IQGAP2: variants seen among roughly 807,000 people sequenced by gnomAD.
IQGAP2 encodes ras GTPase-activating-like protein IQGAP2.
A neutral mutation model predicts 201.3 loss-of-function variants in IQGAP2; 173 were observed. The observed-to-expected ratio is 0.86, with a 90% CI of 0.76 to 0.98. The LOEUF is 0.98. Among genes scored for constraint, IQGAP2 ranks in the 50% least tolerant of loss-of-function variants. The probability of loss-of-function intolerance (pLI) is 0.00; values close to 1 mark genes in which losing one functional copy is unlikely to be tolerated. For missense variants in IQGAP2, 1,687 were observed against 1,864.8 expected (o/e 0.90, Z 1.76); for synonymous variants, 675 against 673.9 (o/e 1.00, Z -0.03).
chr5:76,542,433 C>CT (rs1250479974), intron 2 of IQGAP2, among the ~76,000 whole-genome samples: 2 of 152,236 alleles, frequency 1.3e-5, no homozygotes, highest in Non-Finnish European at 2.9e-5. Context: ...AGCTTCGTTC[C>CT]TTACCGGTAC....
intron 2 of IQGAP2, among the ~76,000 whole-genome samples, chr5:76,507,894 A>G (rs1757697926): frequency 6.6e-6 from 1 of 151,106 alleles, no homozygotes; most frequent in Admixed American, 6.6e-5. Flanking sequence ...CTGTAGTCCT[A>G]GCTACTCAGG....
intron 35 of IQGAP2, among the ~76,000 whole-genome samples, chr5:76,706,623 C>A (rs1747929016): frequency 6.6e-6 from 1 of 152,160 alleles, no homozygotes; most frequent in Non-Finnish European, 1.5e-5. Context: ...GCTGGTATTA[C>A]AGGAATGAGC....
At chr5:76,443,661 C>G (rs1262364249) in intron 1 of IQGAP2, among the ~76,000 whole-genome samples, 1 of 152,006 alleles carries the variant, frequency 6.6e-6, no homozygotes, top group Admixed American at 6.6e-5. Context: ...TTAGAAAGAT[C>G]AGTACTTACA....
chr5:76,628,768 A>G (rs1411659783), intron 14 of IQGAP2: 2 of 453,732 alleles, frequency 4.4e-6, no homozygotes, highest in South Asian at 3.1e-5. Context: ...TATTTCTCTA[A>G]CCTGAACTTT....
chr5:76,546,067 A>G (rs1353345375), intron 2 of IQGAP2, among the ~76,000 whole-genome samples: 1 of 152,224 alleles, frequency 6.6e-6, no homozygotes. Context: ...CTCCTATAGC[A>G]TGTGATGGAA....
At chr5:76,676,232 A>T (rs1425471936) in intron 27 of IQGAP2, among the ~76,000 whole-genome samples, 1 of 152,236 alleles carries the variant, frequency 6.6e-6, no homozygotes, top group Non-Finnish European at 1.5e-5. Flanking sequence ...AGACCAAAGA[A>T]GTGAGCCTCT....
At chr5:76,485,370 G>C (rs1368039272) in intron 2 of IQGAP2, among the ~76,000 whole-genome samples, 18 of 152,146 alleles carry the variant, frequency 1.2e-4, no homozygotes, top group Non-Finnish European at 2.1e-4. Flanking sequence ...AAATGTCTTT[G>C]CTTTAGTTTT....
intron 16 of IQGAP2, among the ~76,000 whole-genome samples, chr5:76,637,936 A>G (rs983680026): frequency 6.6e-6 from 1 of 152,212 alleles, no homozygotes; most frequent in African/African-American, 2.4e-5. Flanking sequence ...CCTTTTAACT[A>G]ATCTGTGACC....
intron 1 of IQGAP2, among the ~76,000 whole-genome samples, chr5:76,426,688 G>A (rs1752018863): frequency 2.0e-5 from 3 of 152,156 alleles, no homozygotes; most frequent in African/African-American, 4.8e-5. Context: ...TTTAATACAC[G>A]AAGGGCGCTG....
chr5:76,457,448 A>C (rs1323850541), intron 1 of IQGAP2, among the ~76,000 whole-genome samples: 1 of 152,176 alleles, frequency 6.6e-6, no homozygotes, highest in Admixed American at 6.5e-5. Context: ...CCAAACTTTC[A>C]ATTGTTTAAT....
At chr5:76,651,574 G>A (rs1457474520) in intron 17 of IQGAP2, among the ~76,000 whole-genome samples, 1 of 111,150 alleles carries the variant, frequency 9.0e-6, no homozygotes, top group African/African-American at 3.1e-5. Flanking sequence ...CTGCACTGTA[G>A]CCTGGGACAA....
At chr5:76,682,768 T>C (rs1300207033) in intron 28 of IQGAP2, among the ~76,000 whole-genome samples, 1 of 152,200 alleles carries the variant, frequency 6.6e-6, no homozygotes, top group Non-Finnish European at 1.5e-5. Context: ...TTGCTACCAA[T>C]GTTAACTGAA....
intron 2 of IQGAP2, among the ~76,000 whole-genome samples, chr5:76,525,958 C>T (rs766935981): frequency 2.6e-5 from 4 of 152,124 alleles, no homozygotes; most frequent in Non-Finnish European, 5.9e-5. Flanking sequence ...GTGGGTGGTC[C>T]ATACATTCAT....
intron 2 of IQGAP2, among the ~76,000 whole-genome samples, chr5:76,474,901 G>A (rs988778560): frequency 2.6e-5 from 4 of 152,118 alleles, no homozygotes; most frequent in Admixed American, 1.3e-4. Context: ...TAGTAGAGAC[G>A]GGGTTTCACC....
chr5:76,633,142 A>G (rs779280457), intron 15 of IQGAP2, among the ~76,000 whole-genome samples: 12 of 152,188 alleles, frequency 7.9e-5, no homozygotes, highest in African/African-American at 1.2e-4. Context: ...TAAACTTGCT[A>G]TGTCGTTTCC....
At chr5:76,610,955 C>A (rs1205228101) in intron 12 of IQGAP2, 65 bp from the exon 13 acceptor site, 1 of 1,357,758 alleles carries the variant, frequency 7.4e-7, no homozygotes, top group South Asian at 1.4e-5. Flanking sequence ...CTTTTGCAAT[C>A]GGTGATACTA....
chr5:76,603,937 T>C (rs1029254467), intron 11 of IQGAP2, among the ~76,000 whole-genome samples: 6 of 152,166 alleles, frequency 3.9e-5, no homozygotes, highest in African/African-American at 1.2e-4. Context: ...AAATACTCAA[T>C]TGGAAAAGCC....
At position 76,520,440 on chromosome 5, in the gene IQGAP2, G is replaced by A. The variant is rs186485153; in HGVS notation, c.147-41956G>A. ...GCCTTCCAAAGTGCTGGGATTACAA[G>A]CGTGAGCCACCGCGCCCGGCGCATT... On this transcript the variant is annotated intron_variant, in intron 2 of 35. Transcript: ENST00000274364. Among the ~76,000 whole-genome samples, 281 of 152,300 alleles carry A rather than the reference G, an allele frequency of 1.8e-3. 1 individual carries two copies. The highest frequency in any genetic ancestry group is 6.2e-3 in the African/African-American group (259 of 41,546).
chr5:76,433,284 C>T (rs1246446821), intron 1 of IQGAP2, among the ~76,000 whole-genome samples: 1 of 152,096 alleles, frequency 6.6e-6, no homozygotes, highest in Non-Finnish European at 1.5e-5. Flanking sequence ...AGAGTTTTTC[C>T]TGGGTTTTAT....
Sources: allele counts gnomAD v4.1 joint callset (sites outside exome capture counted in the v4.1 genomes callset), GRCh38; gene constraint gnomAD v4.1.1; transcripts MANE v1.5; gene names NCBI Gene and HGNC (gene_info 2026-07-23, HGNC 2026-07-21).